RAD52: variants seen among roughly 807,000 people sequenced by gnomAD.
RAD52 encodes the protein RAD52 DNA repair protein.
RAD52 carries 47 observed loss-of-function variants against 55.5 expected under a neutral mutation model. The observed-to-expected ratio is 0.85, with a 90% CI of 0.67 to 1.08. The LOEUF (loss-of-function observed/expected upper bound fraction) is 1.08, where lower values mean the gene tolerates loss of function less well. Among genes scored for constraint, RAD52 ranks in the 50% least tolerant of loss-of-function variants. RAD52 has a pLI of 0.00. For missense variants in RAD52, 468 were observed against 522.8 expected (o/e 0.90, Z 1.02); for synonymous variants, 184 against 198.9 (o/e 0.92, Z 0.63).
intron 1 of RAD52, among the ~76,000 whole-genome samples, chr12:971,957 C>G (rs1337254115): frequency 1.3e-5 from 2 of 152,076 alleles, no homozygotes; most frequent in Non-Finnish European, 2.9e-5. Context: ...ACCGTGTTAG[C>G]CAGGATGGTC....
intron 1 of RAD52, among the ~76,000 whole-genome samples, chr12:971,065 T>C (rs1489164288): frequency 1.3e-5 from 2 of 152,184 alleles, no homozygotes; most frequent in Non-Finnish European, 2.9e-5. Flanking sequence ...TATGCAAAGA[T>C]AAAATATAGA....
chr12:958,214 CTATTT>C (rs149077324), intron 1 of RAD52, among the ~76,000 whole-genome samples: 4,512 of 152,188 alleles, frequency 0.03, 186 homozygotes, highest in African/African-American at 0.096. Context: ...GTATTGCCTT[CTATTT>C]TATTTTATTT....
chr12:937,278 C>T (rs1053343783), intron 1 of RAD52, among the ~76,000 whole-genome samples: 3 of 152,174 alleles, frequency 2.0e-5, no homozygotes, highest in African/African-American at 4.8e-5. Context: ...TCTCCCTTCA[C>T]TCACCTTTCC....
intron 1 of RAD52, among the ~76,000 whole-genome samples, chr12:979,618 A>G (rs974606930): frequency 3.3e-5 from 5 of 152,148 alleles, no homozygotes; most frequent in African/African-American, 1.2e-4. Context: ...CAGTGAGAAG[A>G]TGGCTGTCTG....
chr12:934,445 AGT>A (rs1957506459), intron 1 of RAD52, among the ~76,000 whole-genome samples: 1 of 125,244 alleles, frequency 8.0e-6, no homozygotes, highest in Non-Finnish European at 1.7e-5. Context: ...CCTGGGCGAG[AGT>A]GAGACTCCAT....
upstream of RAD52, among the ~76,000 whole-genome samples, chr12:950,197 T>C (rs983208024): frequency 2.6e-5 from 4 of 152,186 alleles, no homozygotes; most frequent in African/African-American, 9.7e-5. Context: ...GCACATCCAG[T>C]CGTCACCGGA....
At chr12:978,906 A>G (rs1314909636) in intron 1 of RAD52, among the ~76,000 whole-genome samples, 1 of 151,730 alleles carries the variant, frequency 6.6e-6, no homozygotes, top group African/African-American at 2.4e-5. Flanking sequence ...AGATAGATAG[A>G]TAGATAGATA....
At chr12:940,827 T>C (rs1320001766) in intron 1 of RAD52, among the ~76,000 whole-genome samples, 1 of 151,726 alleles carries the variant, frequency 6.6e-6, no homozygotes. Context: ...TGAATGACTG[T>C]CACTCCTGCT....
chr12:971,188 G>T (rs1958845519), intron 1 of RAD52, among the ~76,000 whole-genome samples: 1 of 152,090 alleles, frequency 6.6e-6, no homozygotes, highest in Admixed American at 6.6e-5. Flanking sequence ...TTTCCCTTGG[G>T]GTGACTATGA....
At chr12:989,338 A>T (rs962838548) in intron 1 of RAD52, among the ~76,000 whole-genome samples, 1 of 151,980 alleles carries the variant, frequency 6.6e-6, no homozygotes, top group Non-Finnish European at 1.5e-5. Flanking sequence ...GACCACACTT[A>T]CTTTTTGCAT....
intron 6 of RAD52, 105 bp downstream of exon 6, chr12:927,040 G>T: frequency 1.3e-6 from 2 of 1,521,800 alleles, no homozygotes. Flanking sequence ...ACGCTGCTTG[G>T]ATTTTTGAAC....
chr12:922,853 CAG>C (rs934741723), intron 7 of RAD52, among the ~76,000 whole-genome samples: 15 of 151,944 alleles, frequency 9.9e-5, no homozygotes, highest in Admixed American at 2.6e-4. Context: ...TATTTTGAGA[CAG>C]AATCTCACTC....
chr12:940,504 G>A (rs140797037), intron 1 of RAD52, among the ~76,000 whole-genome samples: 4,741 of 152,146 alleles, frequency 0.031, 219 homozygotes, highest in African/African-American at 0.1. Context: ...AGCTGAGGCA[G>A]GAGAATTGCT....
At chr12:935,497 C>T (rs535709104) in intron 1 of RAD52, among the ~76,000 whole-genome samples, 2 of 151,200 alleles carry the variant, frequency 1.3e-5, no homozygotes, top group South Asian at 4.2e-4. Context: ...TCTGCTGCTT[C>T]AGTCTCCTGA....
At chr12:984,116 C>T (rs1266609846) in intron 1 of RAD52, among the ~76,000 whole-genome samples, 2 of 152,294 alleles carry the variant, frequency 1.3e-5, no homozygotes, top group Middle Eastern at 3.4e-3. Flanking sequence ...TCTTCCCAAA[C>T]GGAAACTCTA....
intron 1 of RAD52, chr12:976,380 C>T (rs1592493102): frequency 6.6e-6 from 1 of 152,224 alleles, no homozygotes. Flanking sequence ...TCTGTGTTTC[C>T]TCTTGGAAGG....
At chr12:921,425 G>A (rs754635372) in intron 7 of RAD52, among the ~76,000 whole-genome samples, 2 of 152,034 alleles carry the variant, frequency 1.3e-5, no homozygotes, top group Non-Finnish European at 2.9e-5. Flanking sequence ...TGGGCAACAC[G>A]GTAAAATTTT....
Position 912,021 on chromosome 12 carries a change from C to CA in RAD52, c.*1369_*1370insT, listed in dbSNP as rs1286223823. 5 of 194,000 alleles carry CA rather than the reference C, an allele frequency of 2.6e-5. No individual in the cohort carries two copies. The highest frequency in any genetic ancestry group is 6.3e-5 in the Admixed American group (1 of 15,924). The allele number at this position is 194,000 out of a possible 1,614,324, so 12.0% of individuals were successfully genotyped here. A position where few individuals can be genotyped will look rare whatever the true frequency, so the allele number is the denominator to read the frequency against. On this transcript the variant is annotated 3_prime_UTR_variant, in exon 12 of 12. Coordinates refer to ENST00000358495, the MANE Select transcript of RAD52 (RefSeq NM_134424.4). ...CCTGCGCTACAGAGCCAGACCCCCC[C>CA]TCTCAAAAAAAAAGTTGTTAAACTG...
At chr12:939,564 CA>C (rs1957815381) in intron 1 of RAD52, among the ~76,000 whole-genome samples, 1 of 152,184 alleles carries the variant, frequency 6.6e-6, no homozygotes, top group African/African-American at 2.4e-5. Context: ...AACACATGTC[CA>C]AAAACTACAC....
Sources: allele counts gnomAD v4.1 joint callset (sites outside exome capture counted in the v4.1 genomes callset), GRCh38; gene constraint gnomAD v4.1.1; transcripts MANE v1.5; gene names NCBI Gene and HGNC (gene_info 2026-07-23, HGNC 2026-07-21).